Variants in DENND1B observed in about 807,000 individuals in gnomAD.
DENND1B encodes the protein DENN domain-containing protein 1B.
In DENND1B, 59 loss-of-function variants were observed where a neutral mutation model predicts 90.1. The ratio of observed to expected loss-of-function variants is 0.65; its 90% CI spans 0.53 to 0.81. The LOEUF (loss-of-function observed/expected upper bound fraction) is 0.81. DENND1B is among the 40% of genes least tolerant of loss of function. The pLI, the probability that DENND1B is intolerant of heterozygous loss-of-function variation, is 0.00. For missense variants in DENND1B, 862 were observed against 912.6 expected, an observed-to-expected ratio of 0.94 and a Z score of 0.71; for synonymous variants, 337 against 324.6, an observed-to-expected ratio of 1.04 and a Z score of -0.41.
Position 197,544,991 on chromosome 1 carries a change from G to A in DENND1B, c.1350+931C>T, listed in dbSNP as rs563714497. ...AAGGAGGAAGGAGGAAGGGGAAGAA[G>A]GAAGAAGGAAGACGACGACGACGAC... On this transcript the variant is annotated intron_variant, in intron 18 of 22. Coordinates refer to ENST00000620048, the MANE Select transcript of DENND1B (RefSeq NM_001195215.2). 5.5e-4 allele frequency among the ~76,000 whole-genome samples: 72 copies of A among 130,724 alleles called. 1 individual carries two copies. Among genetic ancestry groups the A allele is most frequent in the African/African-American group, 2.1e-3 (69 of 32,882 alleles). 85.8% of individuals were successfully genotyped at this position (130,724 alleles called of 152,430 possible). A position where few individuals can be genotyped will look rare whatever the true frequency, so the allele number is the denominator to read the frequency against.
At chr1:197,568,523 A>G (rs1558251536) in intron 15 of DENND1B, among the ~76,000 whole-genome samples, 1 of 152,176 alleles carries the variant, frequency 6.6e-6, no homozygotes, top group African/African-American at 2.4e-5. Flanking sequence ...TGGAACCACA[A>G]AAGACCTCAA....
intron 10 of DENND1B, among the ~76,000 whole-genome samples, chr1:197,631,187 A>G (rs1383318824): frequency 6.6e-6 from 1 of 152,124 alleles, no homozygotes; most frequent in Admixed American, 6.6e-5. Flanking sequence ...ACAAATATCT[A>G]AACTCTACAT....
chr1:197,540,475 CAT>C (rs1286812280), intron 19 of DENND1B, among the ~76,000 whole-genome samples: 1 of 151,982 alleles, frequency 6.6e-6, no homozygotes, highest in Non-Finnish European at 1.5e-5. Context: ...AATCAACACA[CAT>C]ATACACATAT....
chr1:197,660,956 G>C (rs1039350194), intron 5 of DENND1B, among the ~76,000 whole-genome samples: 16 of 152,068 alleles, frequency 1.1e-4, no homozygotes, highest in African/African-American at 3.6e-4. Flanking sequence ...AAGGCCTCGA[G>C]AGCAACCAGC....
intron 3 of DENND1B, among the ~76,000 whole-genome samples, chr1:197,714,263 G>T (rs1215184342): frequency 6.6e-6 from 1 of 151,638 alleles, no homozygotes; most frequent in Non-Finnish European, 1.5e-5. Flanking sequence ...GTGAGCCACT[G>T]TACCCAGCCT....
intron 3 of DENND1B, among the ~76,000 whole-genome samples, chr1:197,701,122 A>G (rs1370173801): frequency 6.6e-6 from 1 of 152,208 alleles, no homozygotes; most frequent in Non-Finnish European, 1.5e-5. Context: ...ATAAAGACAC[A>G]CGTACACATT....
chr1:197,546,529 T>C (rs1670827884), intron 17 of DENND1B, among the ~76,000 whole-genome samples: 1 of 152,222 alleles, frequency 6.6e-6, no homozygotes, highest in South Asian at 2.1e-4. Flanking sequence ...CATTTATCTT[T>C]GGACCAAAAC....
Position 197,747,068 on chromosome 1 carries a change from C to T in DENND1B, c.82+25800G>A, listed in dbSNP as rs1652792246. On this transcript the variant is annotated intron_variant, in intron 2 of 22. Transcript: ENST00000620048. ...TTGACTCCAAAATACTGAGTAAGCT[C>T]CTTCCACTGGGTTTCATTTGAGAAC... 5 of 782,290 alleles carry T rather than the reference C, an allele frequency of 6.4e-6. No homozygotes were observed. The East Asian group carries it at 7.4e-5, about 12-fold the overall frequency. The allele number at this position is 782,290 out of a possible 1,614,324, so 48.5% of individuals were successfully genotyped here.
intron 2 of DENND1B, among the ~76,000 whole-genome samples, chr1:197,752,589 G>A (rs1350932732): frequency 6.6e-6 from 1 of 151,904 alleles, no homozygotes; most frequent in Non-Finnish European, 1.5e-5. Context: ...CCTGAGTTTA[G>A]TAGCTCTTTG....
intron 4 of DENND1B, among the ~76,000 whole-genome samples, chr1:197,673,246 T>G (rs988468128): frequency 6.6e-6 from 1 of 152,018 alleles, no homozygotes; most frequent in Non-Finnish European, 1.5e-5. Flanking sequence ...AAATCTTCCT[T>G]ACTATTAATA....
At chr1:197,774,326 T>C (rs939415092) in intron 1 of DENND1B, among the ~76,000 whole-genome samples, 7 of 152,186 alleles carry the variant, frequency 4.6e-5, no homozygotes, top group Non-Finnish European at 8.8e-5. Context: ...CAAATATACA[T>C]GGCATTATTT....
At chr1:197,577,843 A>C (rs946128892) in intron 15 of DENND1B, among the ~76,000 whole-genome samples, 5 of 152,204 alleles carry the variant, frequency 3.3e-5, no homozygotes, top group African/African-American at 1.2e-4. Flanking sequence ...GTTAGAGATG[A>C]GAGGTATCTC....
chr1:197,772,760 G>A (rs1365463038), intron 2 of DENND1B, 108 bp downstream of exon 2: 2 of 909,996 alleles, frequency 2.2e-6, no homozygotes, highest in African/African-American at 1.7e-5. Context: ...GGGAAGGAGA[G>A]GTTGTGGTGA....
At chr1:197,746,727 T>C in intron 2 of DENND1B, 5 of 1,002,774 alleles carry the variant, frequency 5.0e-6, no homozygotes, top group Non-Finnish European at 6.3e-6. Flanking sequence ...AGTCCACAAA[T>C]GTCTTGAAGC....
At chr1:197,609,466 T>C (rs1676990605) in intron 12 of DENND1B, among the ~76,000 whole-genome samples, 1 of 150,650 alleles carries the variant, frequency 6.6e-6, no homozygotes, top group African/African-American at 2.4e-5. Context: ...ACCTGCAGGC[T>C]TTAGTCTGCC....
At chr1:197,590,501 T>C (rs1675101766) in intron 14 of DENND1B, among the ~76,000 whole-genome samples, 1 of 152,180 alleles carries the variant, frequency 6.6e-6, no homozygotes, top group Non-Finnish European at 1.5e-5. Flanking sequence ...CCAACAACTT[T>C]AAGGAGTTTT....
intron 10 of DENND1B, among the ~76,000 whole-genome samples, chr1:197,620,975 G>A (rs935907222): frequency 6.6e-6 from 1 of 151,306 alleles, no homozygotes; most frequent in African/African-American, 2.4e-5. Context: ...AAACCTAACT[G>A]AAGGGAGAGA....
chr1:197,735,889 C>T (rs1662629508), intron 2 of DENND1B: 18 of 1,541,110 alleles, frequency 1.2e-5, no homozygotes, highest in Non-Finnish European at 1.5e-5. Flanking sequence ...ATTACAGGTG[C>T]CTCTCCTGCT....
intron 2 of DENND1B, chr1:197,734,740 T>C (rs1047132032): frequency 1.0e-5 from 10 of 983,508 alleles, no homozygotes; most frequent in Non-Finnish European, 1.2e-5. Flanking sequence ...CATCATTTGT[T>C]ACATACTCCA....
Sources: allele counts gnomAD v4.1 joint callset (sites outside exome capture counted in the v4.1 genomes callset), GRCh38; gene constraint gnomAD v4.1.1; transcripts MANE v1.5; gene names NCBI Gene and HGNC (gene_info 2026-07-23, HGNC 2026-07-21).